The following CDKAL1 variants were observed in gnomAD, a reference collection of about 807,000 sequenced individuals.
The protein encoded by CDKAL1 is threonylcarbamoyladenosine tRNA methylthiotransferase.
A neutral mutation model predicts 68.2 loss-of-function variants in CDKAL1; 32 were observed. The ratio of observed to expected loss-of-function variants is 0.47; its 90% CI spans 0.35 to 0.63. CDKAL1 has a LOEUF of 0.63. Among genes scored for constraint, CDKAL1 ranks in the 30% least tolerant of loss-of-function variants. The pLI is 0.00. For synonymous variants in CDKAL1, 234 were observed against 244.3 expected (o/e 0.96, Z 0.39); for missense variants, 606 against 696.7 (o/e 0.87, Z 1.47).
intron 13 of CDKAL1, among the ~76,000 whole-genome samples, chr6:21,163,939 GA>G (rs1777032749): frequency 1.3e-5 from 2 of 150,408 alleles, no homozygotes; most frequent in Non-Finnish European, 2.9e-5. Flanking sequence ...CAAGAGGAGC[GA>G]AACTCTATCT....
At chr6:21,046,698 C>T (rs1226180362) in intron 11 of CDKAL1, among the ~76,000 whole-genome samples, 1 of 152,252 alleles carries the variant, frequency 6.6e-6, no homozygotes, top group East Asian at 1.9e-4. Context: ...CAACGTCTAA[C>T]AAACAGACAC....
chr6:20,982,391 G>C (rs569516577), intron 10 of CDKAL1, among the ~76,000 whole-genome samples: 6 of 152,078 alleles, frequency 3.9e-5, no homozygotes, highest in Non-Finnish European at 8.8e-5. Flanking sequence ...AATAAATAAA[G>C]TGTACTGGAT....
At chr6:21,144,896 C>T (rs1000825662) in intron 13 of CDKAL1, among the ~76,000 whole-genome samples, 1 of 152,106 alleles carries the variant, frequency 6.6e-6, no homozygotes, top group African/African-American at 2.4e-5. Context: ...TGTGCCCTAG[C>T]TTTACATATT....
At chr6:20,973,073 C>T (rs1362969660) in intron 10 of CDKAL1, among the ~76,000 whole-genome samples, 4 of 62,020 alleles carry the variant, frequency 6.4e-5, no homozygotes, top group Admixed American at 1.9e-4. Context: ...AGCGAAACTC[C>T]GTCTCAAAAA....
At chr6:21,056,881 C>G (rs1770865771) in intron 11 of CDKAL1, among the ~76,000 whole-genome samples, 1 of 152,152 alleles carries the variant, frequency 6.6e-6, no homozygotes, top group African/African-American at 2.4e-5. Context: ...CTGACTTGAT[C>G]ATGGTGGGTA....
intron 6 of CDKAL1, among the ~76,000 whole-genome samples, chr6:20,745,722 T>TA (rs200192087): frequency 0.036 from 5,439 of 151,184 alleles, 98 homozygotes; most frequent in Middle Eastern, 0.079. Context: ...GCTGATGAGC[T>TA]AAAAAAAAAT....
chr6:20,851,625 A>G (rs754464687), intron 9 of CDKAL1, among the ~76,000 whole-genome samples: 4 of 152,112 alleles, frequency 2.6e-5, no homozygotes, highest in East Asian at 1.9e-4. Context: ...CTGGTTATGG[A>G]AAGGTAAAAT....
chr6:20,789,593 G>A (rs965101443), intron 8 of CDKAL1, among the ~76,000 whole-genome samples: 1 of 152,110 alleles, frequency 6.6e-6, no homozygotes, highest in African/African-American at 2.4e-5. Context: ...TCAAATTCTA[G>A]CATGTTGTAG....
At position 21,182,717 on chromosome 6, in the gene CDKAL1, C is replaced by G. The variant is rs79622492; in HGVS notation, c.1300-15304C>G. Among the ~76,000 whole-genome samples the G allele has an allele frequency of 5.3e-3, 810 of 152,296 alleles. 7 individuals carry two copies. Among genetic ancestry groups the G allele is most frequent in the African/African-American group, 0.019 (782 of 41,562 alleles). On this transcript the variant is annotated intron_variant, in intron 13 of 15. Transcript: ENST00000274695. ...AACAGTTAAAATGCATAGTCACTGTCCTGCTGTATTGAATATGCAATTGAA... is the reference window on the plus strand; with the variant it reads ...AACAGTTAAAATGCATAGTCACTGTGCTGCTGTATTGAATATGCAATTGAA...
intron 10 of CDKAL1, among the ~76,000 whole-genome samples, chr6:20,980,483 C>T (rs1416003716): frequency 6.6e-6 from 1 of 152,048 alleles, no homozygotes; most frequent in Admixed American, 6.5e-5. Context: ...GTGATCCGCC[C>T]GCCTCAGCCT....
intron 9 of CDKAL1, among the ~76,000 whole-genome samples, chr6:20,904,222 T>C (rs893549118): frequency 1.3e-5 from 2 of 152,138 alleles, no homozygotes; most frequent in African/African-American, 4.8e-5. Flanking sequence ...TTAACTGATG[T>C]GAGTTTCAGG....
chr6:21,127,512 G>A (rs549874779), intron 13 of CDKAL1, among the ~76,000 whole-genome samples: 2 of 152,292 alleles, frequency 1.3e-5, no homozygotes, highest in African/African-American at 4.8e-5. Flanking sequence ...TACTTTGGGA[G>A]GCCGAGGTCA....
At chr6:20,643,704 C>T (rs190542509) in intron 4 of CDKAL1, among the ~76,000 whole-genome samples, 52 of 152,278 alleles carry the variant, frequency 3.4e-4, no homozygotes, top group Middle Eastern at 6.8e-3. Flanking sequence ...TCAGAGCTAG[C>T]AAATACTCTA....
intron 5 of CDKAL1, among the ~76,000 whole-genome samples, chr6:20,691,940 A>G (rs1360395485): frequency 1.3e-5 from 2 of 152,086 alleles, no homozygotes; most frequent in Non-Finnish European, 2.9e-5. Flanking sequence ...TATGTATATA[A>G]TTTATAAGCA....
chr6:21,178,454 T>C (rs1283770674), intron 13 of CDKAL1, among the ~76,000 whole-genome samples: 2 of 152,170 alleles, frequency 1.3e-5, no homozygotes, highest in Admixed American at 1.3e-4. Flanking sequence ...TGAACTCAAA[T>C]AGTGAAGAGG....
intron 4 of CDKAL1, among the ~76,000 whole-genome samples, chr6:20,634,850 G>C (rs1370054011): frequency 6.6e-6 from 1 of 151,950 alleles, no homozygotes; most frequent in Non-Finnish European, 1.5e-5. Context: ...GGTGGCTCAT[G>C]CCTGTAATCC....
intron 8 of CDKAL1, among the ~76,000 whole-genome samples, chr6:20,804,620 G>A (rs1776490746): frequency 6.6e-6 from 1 of 152,106 alleles, no homozygotes; most frequent in East Asian, 1.9e-4. Context: ...TTTTAAAATT[G>A]TTTTTGACTG....
At chr6:20,569,270 G>A (rs1376804587) in intron 4 of CDKAL1, among the ~76,000 whole-genome samples, 1 of 152,206 alleles carries the variant, frequency 6.6e-6, no homozygotes. Context: ...GTGCTTTACA[G>A]ATTTTGTGAT....
rs9368208 is a variant in CDKAL1, at chr6:20,587,758, C to T, written c.286+39053C>T. On this transcript the variant is annotated intron_variant, in intron 4 of 15. Coordinates refer to ENST00000274695, the MANE Select transcript of CDKAL1 (RefSeq NM_017774.3). ...AAAACAAACAAACAAACAAACCGCC[C>T]CCCTCAAAAAACCAACTCAATACAC... is the stretch of plus-strand genomic sequence containing the variant. Among the ~76,000 whole-genome samples the T allele has an allele frequency of 3.5e-4, 53 of 150,998 alleles. No homozygotes were observed. In the South Asian group the frequency reaches 9.9e-3, roughly 28 times the overall value.
Sources: allele counts gnomAD v4.1 joint callset (sites outside exome capture counted in the v4.1 genomes callset), GRCh38; gene constraint gnomAD v4.1.1; transcripts MANE v1.5; gene names NCBI Gene and HGNC (gene_info 2026-07-23, HGNC 2026-07-21).